The following AKAP12 variants were observed in gnomAD, a reference collection of about 807,000 sequenced individuals.
AKAP12 encodes the protein A-kinase anchor protein 12.
In AKAP12, 32 loss-of-function variants were observed where a neutral mutation model predicts 79.9. The ratio of observed to expected loss-of-function variants is 0.40; its 90% CI spans 0.30 to 0.54. The LOEUF (loss-of-function observed/expected upper bound fraction) is 0.54. Ranked by LOEUF, AKAP12 falls within the 20% of genes least tolerant of loss-of-function variation. The pLI is 0.48. For missense variants in AKAP12, 2,074 were observed against 2,177.0 expected, an observed-to-expected ratio of 0.95 and a Z score of 0.94; for synonymous variants, 808 against 857.0, an observed-to-expected ratio of 0.94 and a Z score of 1.00.
intron 4 of AKAP12, 78 bp downstream of exon 4, chr6:151,353,830 A>T (rs945050432): frequency 9.1e-6 from 9 of 992,748 alleles, no homozygotes; most frequent in Middle Eastern, 2.4e-4. Context: ...AGGAATCGGG[A>T]GCAAATAATT....
intron 2 of AKAP12, among the ~76,000 whole-genome samples, chr6:151,293,149 TATC>T (rs1776655139): frequency 6.6e-6 from 1 of 152,232 alleles, no homozygotes; most frequent in Non-Finnish European, 1.5e-5. Flanking sequence ...CATTTGGTAT[TATC>T]AGATTTCTAA....
At chr6:151,269,132 T>C (rs1776125671) in intron 2 of AKAP12, among the ~76,000 whole-genome samples, 2 of 151,820 alleles carry the variant, frequency 1.3e-5, no homozygotes, top group African/African-American at 4.8e-5. Context: ...TCACAAAAGT[T>C]TTCTGTGGAC....
At chr6:151,259,497 C>T (rs199635633) in intron 2 of AKAP12, among the ~76,000 whole-genome samples, 2 of 60,900 alleles carry the variant, frequency 3.3e-5, no homozygotes, top group South Asian at 4.7e-4. Context: ...CACACATATA[C>T]ATGTATATAT....
chr6:151,354,506 T>G (rs1472701716), intron 4 of AKAP12, among the ~76,000 whole-genome samples: 3 of 152,050 alleles, frequency 2.0e-5, no homozygotes, highest in Non-Finnish European at 4.4e-5. Context: ...CCCGAGTAGC[T>G]GGGACTACAG....
At chr6:151,268,129 A>T (rs1253461936) in intron 2 of AKAP12, among the ~76,000 whole-genome samples, 9 of 152,176 alleles carry the variant, frequency 5.9e-5, no homozygotes, top group Non-Finnish European at 1.3e-4. Flanking sequence ...AAACAGTGTG[A>T]CTGCTGGGTG....
rs368359641 is a variant in AKAP12 at position 151,353,173 on chromosome 6, G to A, written c.4782G>A (p.Thr1594=). Residue 1594 remains threonine, a synonymous_variant, in exon 4 of 5, where the codon ACG becomes ACA. Coordinates refer to ENST00000402676, the MANE Select transcript of AKAP12 (RefSeq NM_005100.4). The part of the protein sequence containing the change: ...KADSQDAGQE[T]EKEGEEPQAS... ...ACAGCCAGGACGCTGGACAGGAAAC[G>A]GAGAAAGAAGGAGAGGAACCTCAGG... is the stretch of plus-strand genomic sequence containing the variant. 5.3e-5 allele frequency: 85 copies of A among 1,614,016 alleles called. No homozygotes were observed. In the African/African-American group the frequency reaches 8.5e-4, roughly 16 times the overall value.
chr6:151,253,163 T>C (rs1797219248), intron 2 of AKAP12, among the ~76,000 whole-genome samples: 2 of 152,214 alleles, frequency 1.3e-5, no homozygotes, highest in Non-Finnish European at 2.9e-5. Flanking sequence ...AAGACATGCT[T>C]CATTGGCTCC....
chr6:151,278,261 G>T (rs1055197307), intron 2 of AKAP12, among the ~76,000 whole-genome samples: 1 of 152,218 alleles, frequency 6.6e-6, no homozygotes, highest in African/African-American at 2.4e-5. Flanking sequence ...TGTCACTCAG[G>T]TTGGAGTAAA....
intron 3 of AKAP12, chr6:151,325,585 A>G: frequency 7.7e-7 from 1 of 1,303,924 alleles, no homozygotes; most frequent in Non-Finnish European, 9.8e-7. Flanking sequence ...TCAGCAAGGG[A>G]GGGGCCAGCG....
intron 2 of AKAP12, among the ~76,000 whole-genome samples, chr6:151,284,989 A>G (rs1268387095): frequency 2.6e-5 from 4 of 152,222 alleles, no homozygotes; most frequent in Non-Finnish European, 5.9e-5. Flanking sequence ...AACAAAGAGA[A>G]TGAAATGCAA....
At chr6:151,256,369 A>G (rs1797297220) in intron 2 of AKAP12, among the ~76,000 whole-genome samples, 1 of 152,178 alleles carries the variant, frequency 6.6e-6, no homozygotes, top group South Asian at 2.1e-4. Flanking sequence ...TTAGAATAGC[A>G]ATTCAGAAGG....
intron 2 of AKAP12, among the ~76,000 whole-genome samples, chr6:151,260,687 T>G (rs1052090425): frequency 4.6e-5 from 7 of 152,270 alleles, no homozygotes; most frequent in Non-Finnish European, 1.0e-4. Context: ...AAACGAGAAT[T>G]GATACTGCAC....
At chr6:151,325,537 C>T (rs532716602) in intron 3 of AKAP12, 119 of 985,220 alleles carry the variant, frequency 1.2e-4, no homozygotes, top group Non-Finnish European at 1.4e-4. Context: ...GCTTGTGCGG[C>T]CCGGGCGGGG....
intron 2 of AKAP12, among the ~76,000 whole-genome samples, chr6:151,284,872 C>A (rs1249544127): frequency 6.6e-6 from 1 of 152,150 alleles, no homozygotes; most frequent in Non-Finnish European, 1.5e-5. Context: ...AGGAACCCAT[C>A]ACAGGGATTA....
intron 3 of AKAP12, among the ~76,000 whole-genome samples, chr6:151,312,520 G>A (rs984096180): frequency 6.6e-5 from 10 of 151,812 alleles, no homozygotes; most frequent in Admixed American, 2.6e-4. Context: ...GGCCGGGCAC[G>A]GTGGCTCACG....
chr6:151,331,342 A>G (rs1315113170), intron 3 of AKAP12, among the ~76,000 whole-genome samples: 1 of 152,130 alleles, frequency 6.6e-6, no homozygotes, highest in Non-Finnish European at 1.5e-5. Flanking sequence ...TTTTTTTTAT[A>G]ATGTTGTAAT....
At chr6:151,263,040 G>C (rs1797468622) in intron 2 of AKAP12, among the ~76,000 whole-genome samples, 1 of 151,980 alleles carries the variant, frequency 6.6e-6, no homozygotes, top group Non-Finnish European at 1.5e-5. Flanking sequence ...CCTTTTCGGG[G>C]GTTATTTTGT....
At position 151,351,617 on chromosome 6, in the gene AKAP12, A is replaced by G; in HGVS notation, c.3226A>G (p.Arg1076Gly). 2 of 1,614,188 alleles carry G rather than the reference A, an allele frequency of 1.2e-6. No homozygotes were observed. The highest frequency in any genetic ancestry group is 1.6e-4 in the Middle Eastern group (1 of 6,062). The stretch of plus-strand genomic sequence containing the variant: ...GCCTGTGCAGAGAGCAGAGGCAGAA[A>G]GACCAGAAGAGCAGGCTGAAGCGTC... The part of the protein sequence containing the change: ...LQPVQRAEAE[R>G]PEEQAEASGL... Residue 1076 changes from arginine (R) to glycine (G), a missense_variant, in exon 4 of 5, where the codon AGA (arginine) becomes GGA (glycine). Physicochemically the swap from Arg to Gly is moderately radical, Grantham distance 125. Around this residue, in one of 3 missense-constraint regions of AKAP12, gnomAD observed 1,428 missense variants for 1,451.0 expected, o/e 0.98. Coordinates refer to ENST00000402676, the MANE Select transcript of AKAP12 (RefSeq NM_005100.4). The surrounding 1 kb of genome is among the most constrained non-coding windows in gnomAD (Gnocchi z 4.4).
intron 2 of AKAP12, among the ~76,000 whole-genome samples, chr6:151,275,501 G>A (rs2114717238): frequency 6.6e-6 from 1 of 152,248 alleles, no homozygotes; most frequent in East Asian, 1.9e-4. Context: ...ACAAAACAGC[G>A]TGACTGAGAC....
Sources: gnomAD v4.1 joint callset for allele counts (sites outside exome capture counted in the v4.1 genomes callset) on GRCh38, gnomAD v4.1.1 for gene constraint, gnomAD v4.1.1 regional missense constraint, Gnocchi (gnomAD v3.1) non-coding constraint, MANE v1.5 for transcripts, NCBI Gene and HGNC (gene_info 2026-07-23, HGNC 2026-07-21) for gene names.